The following STUM variants were observed in gnomAD, a reference collection of about 807,000 sequenced individuals.
STUM encodes protein stum homolog.
Under a neutral mutation model 15.3 loss-of-function variants are expected in STUM, and 8 were observed. The ratio of observed to expected loss-of-function variants is 0.52; its 90% confidence interval spans 0.31 to 0.94. The LOEUF (loss-of-function observed/expected upper bound fraction) is 0.94. STUM is among the 40% of genes least tolerant of loss of function. STUM has a pLI of 0.05. For missense variants in STUM, 142 were observed against 204.9 expected, an observed-to-expected ratio of 0.69 and a Z score of 1.87; for synonymous variants, 78 against 88.7, an observed-to-expected ratio of 0.88 and a Z score of 0.68.
intron 1 of STUM, among the ~76,000 whole-genome samples, chr1:226,582,655 C>T (rs1354410835): frequency 6.6e-6 from 1 of 151,734 alleles, no homozygotes; most frequent in Non-Finnish European, 1.5e-5. Context: ...AAGTCAATCT[C>T]ATCTGAAAGC....
Position 226,558,768 on chromosome 1 carries a change from G to A in STUM, c.202+9662G>A, listed in dbSNP as rs115809242. Among the ~76,000 whole-genome samples, 1,270 of 152,284 alleles carry A rather than the reference G, an allele frequency of 8.3e-3. 15 individuals are homozygous for A. Among genetic ancestry groups the A allele is most frequent in the African/African-American group, 0.029 (1,198 of 41,552 alleles). On this transcript the variant is annotated intron_variant, in intron 1 of 3. Transcript: ENST00000366788. The stretch of plus-strand genomic sequence containing the variant: ...ATTTTACAATAAAAATTAGAGCATC[G>A]TTAATTTCTAGGTCTGGGTTTGAAA...
At chr1:226,595,900 A>G (rs1668173172) in intron 1 of STUM, among the ~76,000 whole-genome samples, 1 of 152,246 alleles carries the variant, frequency 6.6e-6, no homozygotes, top group Admixed American at 6.5e-5. Flanking sequence ...CTCCAGAACT[A>G]TAAAAGAATA....
rs1668358341 is a variant in STUM, at chr1:226,606,414, C to T, written c.*4374C>T. 6.6e-6 allele frequency: 1 copy of T among 152,258 alleles called. No individual in the cohort carries two copies. The highest frequency in any genetic ancestry group is 2.4e-5 in the African/African-American group (1 of 41,468). 9.4% of individuals were successfully genotyped at this position (152,258 alleles called of 1,614,324 possible). On this transcript the variant is annotated 3_prime_UTR_variant, in exon 4 of 4. Transcript: ENST00000366788. ...AGGCCTCCTCAGGGTCCCTTCTAGGCTCCCAGGCCCACCTTAGGCTTTAAT... is the reference window on the plus strand; with the variant it reads ...AGGCCTCCTCAGGGTCCCTTCTAGGTTCCCAGGCCCACCTTAGGCTTTAAT...
At chr1:226,581,933 A>G (rs569852326) in intron 1 of STUM, among the ~76,000 whole-genome samples, 1 of 152,300 alleles carries the variant, frequency 6.6e-6, no homozygotes, top group Non-Finnish European at 1.5e-5. Flanking sequence ...CAGCTGCTGC[A>G]GTTTATCTGA....
intron 1 of STUM, among the ~76,000 whole-genome samples, chr1:226,569,483 T>C (rs1667672719): frequency 6.6e-6 from 1 of 152,124 alleles, no homozygotes; most frequent in African/African-American, 2.4e-5. Flanking sequence ...CTCAGTAATT[T>C]TGGGGCCAAA....
intron 1 of STUM, among the ~76,000 whole-genome samples, chr1:226,589,096 G>T (rs1328261625): frequency 6.6e-6 from 1 of 152,198 alleles, no homozygotes; most frequent in East Asian, 1.9e-4. Context: ...TTACTCTGAA[G>T]CAGCTGCTTC....
intron 1 of STUM, among the ~76,000 whole-genome samples, chr1:226,566,574 A>G (rs1558279757): frequency 6.6e-6 from 1 of 152,046 alleles, no homozygotes; most frequent in Admixed American, 6.5e-5. Context: ...TCTCTTACCC[A>G]CATTTTTTTT....
intron 1 of STUM, among the ~76,000 whole-genome samples, chr1:226,557,574 C>T (rs1667466358): frequency 6.6e-6 from 1 of 152,190 alleles, no homozygotes; most frequent in Non-Finnish European, 1.5e-5. Flanking sequence ...CCATAATGGT[C>T]CTATAATTCG....
In STUM at chr1:226,555,763, A is replaced by C. The variant is rs117060676; in HGVS notation, c.202+6657A>C. Reference sequence around the variant, plus strand: ...GTCACTTTTGAGCTCAAAACTTTCTAATGGCTCCCATGTCACTCAAAGTAA... The same window carrying C: ...GTCACTTTTGAGCTCAAAACTTTCTCATGGCTCCCATGTCACTCAAAGTAA... On this transcript the variant is annotated intron_variant, in intron 1 of 3. Coordinates refer to ENST00000366788, the MANE Select transcript of STUM (RefSeq NM_001003665.4). Among the ~76,000 whole-genome samples the C allele has an allele frequency of 3.4e-4, 52 of 152,268 alleles. No homozygotes were observed. The East Asian group carries it at 9.8e-3, about 29-fold the overall frequency.
Position 226,608,512 on chromosome 1 carries a change from G to T in STUM, c.*6472G>T, listed in dbSNP as rs954987994. On this transcript the variant is annotated 3_prime_UTR_variant, in exon 4 of 4. Coordinates refer to ENST00000366788, the MANE Select transcript of STUM (RefSeq NM_001003665.4). The surrounding 1 kb of genome is among the most constrained non-coding windows in gnomAD (Gnocchi z 4.0). ...GTATCAACTTAATTTGCATATGAAT[G>T]AGTGTTGTGTTGTGATTTGCAGTGT... 1.3e-5 allele frequency: 2 copies of T among 152,154 alleles called. No individual in the cohort carries two copies. Among genetic ancestry groups the T allele is most frequent in the Admixed American group, 1.3e-4 (2 of 15,284 alleles). The allele number at this position is 152,154 out of a possible 1,614,324, so 9.4% of individuals were successfully genotyped here. A position where few individuals can be genotyped will look rare whatever the true frequency, so the allele number is the denominator to read the frequency against.
chr1:226,548,819 G>GAGCCCGC lies in STUM; in HGVS notation c.-81_-75dup, dbSNP rs1394025267. 5.7e-5 allele frequency: 64 copies of GAGCCCGC among 1,125,096 alleles called. No homozygotes were observed. The highest frequency in any genetic ancestry group is 8.8e-5 in the Admixed American group (2 of 22,706). 69.7% of individuals were successfully genotyped at this position (1,125,096 alleles called of 1,614,324 possible). A position where few individuals can be genotyped will look rare whatever the true frequency, so the allele number is the denominator to read the frequency against. On this transcript the variant is annotated 5_prime_UTR_variant, in exon 1 of 4. Coordinates refer to ENST00000366788, the MANE Select transcript of STUM (RefSeq NM_001003665.4). ...CCGCCTGAGCTCGGCGCGGAGCCCG[G>GAGCCCGC]AGCCCGCAGCCGACAGTCTCCTGCT... is the stretch of plus-strand genomic sequence containing the variant.
At chr1:226,599,367 T>C (rs1291070233) in intron 2 of STUM, among the ~76,000 whole-genome samples, 1 of 152,256 alleles carries the variant, frequency 6.6e-6, no homozygotes, top group African/African-American at 2.4e-5. Context: ...GAACAGTTGC[T>C]ACTCATGAGA....
intron 1 of STUM, among the ~76,000 whole-genome samples, chr1:226,560,836 C>T (rs911665373): frequency 1.3e-5 from 2 of 152,194 alleles, no homozygotes; most frequent in Admixed American, 6.5e-5. Flanking sequence ...ATTAGATTCT[C>T]CTCCCCTGAA....
Position 226,609,133 on chromosome 1 carries a change from A to T in STUM, c.*7093A>T, listed in dbSNP as rs530481757. 6.6e-6 allele frequency: 1 copy of T among 152,302 alleles called. No homozygotes were observed. The highest frequency in any genetic ancestry group is 2.4e-5 in the African/African-American group (1 of 41,548). The allele number at this position is 152,302 out of a possible 1,614,324, so 9.4% of individuals were successfully genotyped here. A position where few individuals can be genotyped will look rare whatever the true frequency, so the allele number is the denominator to read the frequency against. ...TGGCATTCCAAGTTTGTGTTTTTTT[A>T]AATCCTTGGAAATACGGCTTTGGAA... is the stretch of plus-strand genomic sequence containing the variant. On this transcript the variant is annotated 3_prime_UTR_variant, in exon 4 of 4. Transcript: ENST00000366788.
chr1:226,566,268 A>G (rs796410660), intron 1 of STUM, among the ~76,000 whole-genome samples: 2 of 152,252 alleles, frequency 1.3e-5, no homozygotes, highest in African/African-American at 2.4e-5. Flanking sequence ...AAATTAGTGC[A>G]TCATCTACTT....
chr1:226,574,895 T>A (rs567820756), intron 1 of STUM, among the ~76,000 whole-genome samples: 1 of 152,164 alleles, frequency 6.6e-6, no homozygotes, highest in East Asian at 1.9e-4. Context: ...TCACAACCCC[T>A]CAGAGGAAAG....
At position 226,602,292 on chromosome 1, in the gene STUM, G is replaced by C. The variant is rs1012755131; in HGVS notation, c.*252G>C. ...CCAGAGCATCAGAGAGTGGGGTGGA[G>C]ATGAGAACGCCCACAGAGAGGCTGG... On this transcript the variant is annotated 3_prime_UTR_variant, in exon 4 of 4. Coordinates refer to ENST00000366788, the MANE Select transcript of STUM (RefSeq NM_001003665.4). The C allele has an allele frequency of 3.8e-6, 2 of 520,740 alleles. No homozygotes were observed. Among genetic ancestry groups the C allele is most frequent in the Admixed American group, 6.3e-5 (2 of 31,594 alleles). The allele number at this position is 520,740 out of a possible 1,614,324, so 32.3% of individuals were successfully genotyped here.
chr1:226,593,460 C>T (rs972433893), intron 1 of STUM, among the ~76,000 whole-genome samples: 1 of 152,206 alleles, frequency 6.6e-6, no homozygotes, highest in Non-Finnish European at 1.5e-5. Context: ...GAAGTCCCAG[C>T]TCCATCACTT....
At chr1:226,597,519 A>G in intron 2 of STUM, 2 of 466,176 alleles carry the variant, frequency 4.3e-6, no homozygotes, top group South Asian at 3.1e-5. Context: ...ACCCCCCAAA[A>G]CCATTCATAG....
Sources: gnomAD v4.1 joint callset for allele counts (sites outside exome capture counted in the v4.1 genomes callset) on GRCh38, gnomAD v4.1.1 for gene constraint, Gnocchi (gnomAD v3.1) non-coding constraint, MANE v1.5 for transcripts, NCBI Gene and HGNC (gene_info 2026-07-23, HGNC 2026-07-21) for gene names.